Variants in TPI1 observed in about 807,000 individuals in gnomAD.
The protein encoded by TPI1 is triosephosphate isomerase 1, also known as triosephosphate isomerase.
Under a neutral mutation model 31.0 loss-of-function variants are expected in TPI1, and 11 were observed. The ratio of observed to expected loss-of-function variants is 0.36; its 90% CI spans 0.22 to 0.59. The LOEUF is 0.59. TPI1 is among the 20% of genes least tolerant of loss of function. The probability of loss-of-function intolerance (pLI) is 0.79; values close to 1 mark genes in which losing one functional copy is unlikely to be tolerated. For synonymous variants in TPI1, 121 were observed against 122.8 expected (o/e 0.99, Z 0.10); for missense variants, 245 against 319.7 (o/e 0.77, Z 1.78).
intron 1 of TPI1, chr12:6,868,186 G>C: frequency 7.8e-7 from 1 of 1,288,048 alleles, no homozygotes; most frequent in Non-Finnish European, 1.0e-6. Flanking sequence ...CTTCCCTTCG[G>C]CAACCTGAAC....
In TPI1 at chr12:6,870,042, G is replaced by C; in HGVS notation, c.544-7G>C. The C allele has an allele frequency of 6.2e-7, 1 of 1,609,486 alleles. No individual in the cohort carries two copies. The highest frequency in any genetic ancestry group is 8.5e-7 in the Non-Finnish European group (1 of 1,175,530). On this transcript the variant is annotated splice_region_variant and splice_polypyrimidine_tract_variant and intron_variant, in intron 5 of 6. Transcript: ENST00000396705. ...AAGGTCTTACTTAGGCCAGCTTCTT[G>C]TTCTAGGCCCAGGAAGTACACGAGA...
In TPI1 at chr12:6,870,141, G is replaced by A. The variant is rs1464554445; in HGVS notation, c.631+5G>A. On this transcript the variant is annotated splice_donor_5th_base_variant and intron_variant, in intron 6 of 6. Transcript: ENST00000396705. ...GCACCCGTATCATTTATGGAGGTGA[G>A]TGGCTTTGGTTCCCGGCTGAGGTGG... 6.2e-7 allele frequency: 1 copy of A among 1,612,904 alleles called. No individual in the cohort carries two copies. The highest frequency in any genetic ancestry group is 8.5e-7 in the Non-Finnish European group (1 of 1,178,812).
intron 1 of TPI1, chr12:6,868,533 G>A (rs1392065573): frequency 7.8e-7 from 1 of 1,285,508 alleles, no homozygotes; most frequent in African/African-American, 1.5e-5. Flanking sequence ...ATTTTAGAAG[G>A]GAAGCAGGGT....
intron 1 of TPI1, chr12:6,868,347 G>A: frequency 2.3e-6 from 3 of 1,287,836 alleles, no homozygotes; most frequent in Non-Finnish European, 3.0e-6. Flanking sequence ...ACGGGCAAAG[G>A]ATGCTCTCCT....
At chr12:6,867,951 G>C in intron 1 of TPI1, 1 of 789,754 alleles carries the variant, frequency 1.3e-6, no homozygotes, top group Non-Finnish European at 1.8e-6. Context: ...AGGTGGCCCC[G>C]GGGCGCGCAC....
chr12:6,868,377 C>T, intron 1 of TPI1: 1 of 1,288,154 alleles, frequency 7.8e-7, no homozygotes, highest in Non-Finnish European at 1.0e-6. Context: ...TTCCTCCCTC[C>T]ACCGAAATCG....
At chr12:6,869,065 C>A (rs922479151) in intron 2 of TPI1, 34 bp from the exon 3 acceptor site, 2 of 1,614,126 alleles carry the variant, frequency 1.2e-6, no homozygotes, top group Non-Finnish European at 1.7e-6. Context: ...AGGGTGGGCT[C>A]CCTGCTGAAC....
Position 6,870,372 on chromosome 12 carries a change from G to A in TPI1, c.739G>A (p.Ala247Thr). ...LKPEFVDIIN[A>T]KQ ...GCCCGAATTCGTGGACATCATCAAT[G>A]CCAAACAATGAGCCCCATCCATCTT... The change falls in exon 7 of 7, where the codon GCC becomes ACC. Residue 247 changes from alanine (A) to threonine (T), a missense_variant. Ala to Thr is a moderately conservative substitution (Grantham distance 58, BLOSUM62 0). This residue lies in a region of TPI1 where 127 missense variants were observed against 163.7 expected (regional missense o/e 0.78). Coordinates refer to ENST00000396705, the MANE Select transcript of TPI1 (RefSeq NM_000365.6). 1.2e-6 allele frequency: 2 copies of A among 1,611,490 alleles called. No individual in the cohort carries two copies. The highest frequency in any genetic ancestry group is 1.7e-6 in the Non-Finnish European group (2 of 1,177,998).
In TPI1 at chr12:6,870,116, G is replaced by A. The variant is rs1555132510; in HGVS notation, c.611G>A (p.Ser204Asn). 2 of 1,614,192 alleles carry A rather than the reference G, an allele frequency of 1.2e-6. No individual in the cohort carries two copies. Among genetic ancestry groups the A allele is most frequent in the South Asian group, 2.2e-5 (2 of 91,086 alleles). ...KSNVSDAVAQ[S>N]TRIIYGGSVT... ...AACGTCTCTGATGCGGTGGCTCAGA[G>A]CACCCGTATCATTTATGGAGGTGAG... The change falls in exon 6 of 7, where the codon AGC (serine) becomes AAC (asparagine). Residue 204 changes from serine to asparagine, a missense_variant. Around this residue, in one of 3 missense-constraint regions of TPI1, gnomAD observed 127 missense variants for 163.7 expected, o/e 0.78. Coordinates refer to ENST00000396705, the MANE Select transcript of TPI1 (RefSeq NM_000365.6).
Position 6,870,799 on chromosome 12 carries a change from C to T in TPI1, c.*416C>T, listed in dbSNP as rs1944572141. On this transcript the variant is annotated 3_prime_UTR_variant, in exon 7 of 7. Transcript: ENST00000396705. ...GCCTCTGTGCTGTGTATGTGAACCA[C>T]CCATGTGAGGGAATAAACCTGGCAC... is the stretch of plus-strand genomic sequence containing the variant. The T allele has an allele frequency of 7.8e-6, 4 of 514,864 alleles. No individual in the cohort carries two copies. The allele number at this position is 514,864 out of a possible 1,614,324, so 31.9% of individuals were successfully genotyped here.
intron 1 of TPI1, chr12:6,868,155 C>A: frequency 8.8e-7 from 1 of 1,132,202 alleles, no homozygotes; most frequent in South Asian, 1.3e-5. Context: ...GCTCGGGCTC[C>A]CTGAGCCCCA....
chr12:6,868,365 C>T, intron 1 of TPI1: 2 of 1,288,010 alleles, frequency 1.6e-6, no homozygotes, highest in East Asian at 1.1e-4. Context: ...CCTCCATCCT[C>T]CTTCCTCCCT....
In TPI1 at chr12:6,870,123, T is replaced by C. The variant is rs201185301; in HGVS notation, c.618T>C (p.Arg206=). 1 of 1,613,958 alleles carries C rather than the reference T, an allele frequency of 6.2e-7. No homozygotes were observed. The highest frequency in any genetic ancestry group is 1.3e-5 in the African/African-American group (1 of 75,006). Residue 206 remains arginine (R), a synonymous_variant, in exon 6 of 7, where the codon CGT becomes CGC. Transcript: ENST00000396705. ...NVSDAVAQST[R]IIYGGSVTGA... ...CTGATGCGGTGGCTCAGAGCACCCG[T>C]ATCATTTATGGAGGTGAGTGGCTTT...
rs782473639 is a variant in TPI1 at position 6,869,692 on chromosome 12, C to T, written c.462C>T (p.Asn154=). The T allele has an allele frequency of 9.9e-6, 16 of 1,614,100 alleles. No homozygotes were observed. Among genetic ancestry groups the T allele is most frequent in the Admixed American group, 1.7e-5 (1 of 60,008 alleles). The change falls in exon 5 of 7, where the codon AAC becomes AAT. Residue 154 remains asparagine, a synonymous_variant. Coordinates refer to ENST00000396705, the MANE Select transcript of TPI1 (RefSeq NM_000365.6). ...VFEQTKVIAD[N]VKDWSKVVLA... is the part of the protein sequence containing the mutation. ...ATCTGTATCTCTGCCCTGCAGATAA[C>T]GTGAAGGACTGGAGCAAGGTCGTCC...
chr12:6,868,300 G>A (rs1555131865), intron 1 of TPI1: 3 of 1,287,634 alleles, frequency 2.3e-6, no homozygotes, highest in Non-Finnish European at 3.0e-6. Flanking sequence ...AAACAGCAAA[G>A]CGCAAGGCCT....
Position 6,869,577 on chromosome 12 carries a change from C to T in TPI1, c.458-111C>T. The T allele has an allele frequency of 2.7e-6, 4 of 1,475,496 alleles. No homozygotes were observed. In the South Asian group the frequency reaches 4.5e-5, roughly 17 times the overall value. 91.4% of individuals were successfully genotyped at this position (1,475,496 alleles called of 1,614,324 possible). On this transcript the variant is annotated intron_variant, in intron 4 of 6. Transcript: ENST00000396705. ...CCAAGGTAGATGCCACCTGGAAATCCCCCAATGTCCACTAGGGGGCAGTAG... is the reference window on the plus strand; with the variant it reads ...CCAAGGTAGATGCCACCTGGAAATCTCCCAATGTCCACTAGGGGGCAGTAG...
rs782388940 is a variant in TPI1, at chr12:6,868,338, C to T, written c.116-526C>T. ...GAGTCAGTTAGGTCTCTGCCACCCA[C>T]GGGCAAAGGATGCTCTCCTCCATCC... On this transcript the variant is annotated intron_variant, in intron 1 of 6. Coordinates refer to ENST00000396705, the MANE Select transcript of TPI1 (RefSeq NM_000365.6). 18 of 1,287,802 alleles carry T rather than the reference C, an allele frequency of 1.4e-5. No individual in the cohort carries two copies. In the African/African-American group the frequency reaches 2.3e-4, roughly 16 times the overall value. 79.8% of individuals were successfully genotyped at this position (1,287,802 alleles called of 1,614,324 possible). A position where few individuals can be genotyped will look rare whatever the true frequency, so the allele number is the denominator to read the frequency against.
upstream of TPI1, chr12:6,867,438 C>T (rs782099400): frequency 9.2e-5 from 115 of 1,251,266 alleles, 3 homozygotes; most frequent in South Asian, 1.1e-3. Context: ...GGCAGGGCTC[C>T]GGGGGACTGG....
At position 6,870,517 on chromosome 12, in the gene TPI1, C is replaced by A. The variant is rs782308993; in HGVS notation, c.*134C>A. 1.2e-4 allele frequency: 92 copies of A among 798,364 alleles called. 1 individual carries two copies. In the East Asian group the frequency reaches 2.2e-3, roughly 19 times the overall value. The allele number at this position is 798,364 out of a possible 1,614,324, so 49.5% of individuals were successfully genotyped here. A position where few individuals can be genotyped will look rare whatever the true frequency, so the allele number is the denominator to read the frequency against. On this transcript the variant is annotated 3_prime_UTR_variant, in exon 7 of 7. Transcript: ENST00000396705. ...TCCTGTGGCCTCATCCAAACTGTATCTTCCTTTACTGTTTATATCTTCACC... is the reference window on the plus strand; with the variant it reads ...TCCTGTGGCCTCATCCAAACTGTATATTCCTTTACTGTTTATATCTTCACC...
Sources: gnomAD v4.1 joint callset for allele counts on GRCh38, gnomAD v4.1.1 for gene constraint, gnomAD v4.1.1 regional missense constraint, MANE v1.5 for transcripts, NCBI Gene and HGNC (gene_info 2026-07-23, HGNC 2026-07-21) for gene names.